Variants in EYS observed in about 807,000 individuals in gnomAD.
EYS encodes protein eyes shut homolog.
In EYS, 250 loss-of-function variants were observed where a neutral mutation model predicts 282.1. The ratio of observed to expected loss-of-function variants is 0.89; its 90% CI spans 0.80 to 0.98. The LOEUF (loss-of-function observed/expected upper bound fraction) is 0.98, where lower values mean the gene tolerates loss of function less well. EYS is among the 50% of genes least tolerant of loss of function. EYS has a pLI of 0.00. For synonymous variants in EYS, 1,355 were observed against 1,282.9 expected (o/e 1.06, Z -1.20); for missense variants, 4,016 against 3,709.0 (o/e 1.08, Z -2.15).
chr6:64,265,198 A>T (rs1767716320), intron 30 of EYS, among the ~76,000 whole-genome samples: 1 of 152,158 alleles, frequency 6.6e-6, no homozygotes, highest in Non-Finnish European at 1.5e-5. Context: ...ACAGTATGCA[A>T]TTTAAAGTCA....
At chr6:64,025,987 C>A (rs1372222287) in intron 33 of EYS, among the ~76,000 whole-genome samples, 2 of 152,158 alleles carry the variant, frequency 1.3e-5, no homozygotes, top group Admixed American at 1.3e-4. Flanking sequence ...AGGGGACAGG[C>A]AAGGGTGCAG....
rs1420169358 is a variant in EYS at position 64,248,219 on chromosome 6, GTA to G, written c.6192-17397_6192-17396del. On this transcript the variant is annotated intron_variant, in intron 30 of 42. Coordinates refer to ENST00000503581, the MANE Select transcript of EYS (RefSeq NM_001142800.2). ...TGTGTGTGTGTGTGTGTGTGTGTGT[GTA>G]TAGGTGCGTCTTGAGAGAGAGGGCT... Among the ~76,000 whole-genome samples, 14 of 142,904 alleles carry G rather than the reference GTA, an allele frequency of 9.8e-5. No homozygotes were observed. The South Asian group carries it at 3.2e-3, about 32-fold the overall frequency. 93.8% of individuals were successfully genotyped at this position (142,904 alleles called of 152,430 possible). A position where few individuals can be genotyped will look rare whatever the true frequency, so the allele number is the denominator to read the frequency against.
rs186844935 is a variant in EYS, at chr6:64,319,138, T to A, written c.6079-12056A>T. On this transcript the variant is annotated intron_variant, in intron 29 of 42. Coordinates refer to ENST00000503581, the MANE Select transcript of EYS (RefSeq NM_001142800.2). ...GGTAGTCTTTGCTGTCTACTGTAAC[T>A]GATTTAGCCCAATTTAAGTGACTTT... Among the ~76,000 whole-genome samples, 20 of 152,102 alleles carry A rather than the reference T, an allele frequency of 1.3e-4. No individual in the cohort carries two copies. The East Asian group carries it at 3.9e-3, about 29-fold the overall frequency.
At chr6:64,354,150 A>C (rs188265525) in intron 29 of EYS, among the ~76,000 whole-genome samples, 3 of 151,778 alleles carry the variant, frequency 2.0e-5, no homozygotes, top group Non-Finnish European at 4.4e-5. Flanking sequence ...AACACGATAG[A>C]GTATTAGATA....
intron 34 of EYS, among the ~76,000 whole-genome samples, chr6:63,996,171 G>A (rs146765838): frequency 1.9e-3 from 286 of 151,938 alleles, no homozygotes; most frequent in African/African-American, 6.6e-3. Context: ...TCTTTCATAT[G>A]GTACAACATA....
intron 18 of EYS, among the ~76,000 whole-genome samples, chr6:64,888,478 A>G (rs761434734): frequency 6.6e-6 from 1 of 151,982 alleles, no homozygotes; most frequent in Non-Finnish European, 1.5e-5. Flanking sequence ...AATGAAAAAT[A>G]AAATTAATAG....
intron 30 of EYS, among the ~76,000 whole-genome samples, chr6:64,281,512 G>C (rs1431707847): frequency 6.6e-6 from 1 of 152,088 alleles, no homozygotes; most frequent in Non-Finnish European, 1.5e-5. Flanking sequence ...AGTATTTATA[G>C]TAAAGACTGA....
chr6:64,396,542 C>T (rs866820511), intron 28 of EYS, among the ~76,000 whole-genome samples: 1 of 151,760 alleles, frequency 6.6e-6, no homozygotes, highest in Non-Finnish European at 1.5e-5. Flanking sequence ...ATTTTTGAAA[C>T]TATATTTTAG....
At chr6:64,122,676 A>ATTTTTT (rs1773629585) in intron 31 of EYS, among the ~76,000 whole-genome samples, 2 of 152,180 alleles carry the variant, frequency 1.3e-5, no homozygotes, top group Non-Finnish European at 2.9e-5. Context: ...AAAAAATGAA[A>ATTTTTT]TAATATTTTA....
intron 29 of EYS, among the ~76,000 whole-genome samples, chr6:64,332,909 C>T (rs918100722): frequency 6.6e-6 from 1 of 152,030 alleles, no homozygotes; most frequent in Non-Finnish European, 1.5e-5. Flanking sequence ...AGCTTGTTGC[C>T]CAGAAGGGTG....
chr6:63,779,475 A>G (rs1770154085), intron 39 of EYS: 1 of 151,718 alleles, frequency 6.6e-6, no homozygotes, highest in Admixed American at 6.6e-5. Context: ...AACCAAACAA[A>G]CAAAAATAAC....
chr6:65,322,296 C>A (rs1444316367), intron 11 of EYS, among the ~76,000 whole-genome samples: 1 of 152,004 alleles, frequency 6.6e-6, no homozygotes, highest in Admixed American at 6.6e-5. Flanking sequence ...GGTTTTAAGC[C>A]GAGGCATGAA....
intron 14 of EYS, among the ~76,000 whole-genome samples, chr6:64,953,336 T>C (rs1256698341): frequency 6.6e-6 from 1 of 151,788 alleles, no homozygotes; most frequent in East Asian, 1.9e-4. Context: ...ATGTAACTCT[T>C]GAAAGAAGGA....
chr6:64,681,658 C>T (rs1163407803), intron 22 of EYS, among the ~76,000 whole-genome samples: 3 of 152,050 alleles, frequency 2.0e-5, no homozygotes, highest in African/African-American at 7.2e-5. Context: ...TTTTGGGAGG[C>T]TGAGGCGGGC....
At chr6:65,641,143 G>T (rs765672508) in intron 1 of EYS, among the ~76,000 whole-genome samples, 3 of 152,198 alleles carry the variant, frequency 2.0e-5, no homozygotes, top group Non-Finnish European at 4.4e-5. Context: ...GGCCAAAATA[G>T]AAGTTGGTAC....
intron 28 of EYS, among the ~76,000 whole-genome samples, chr6:64,407,614 A>T (rs1286620044): frequency 6.6e-6 from 1 of 152,148 alleles, no homozygotes; most frequent in Non-Finnish European, 1.5e-5. Flanking sequence ...TACAAATATA[A>T]ATTGTTTTCA....
At chr6:63,870,714 G>A (rs1772780532) in intron 35 of EYS, among the ~76,000 whole-genome samples, 1 of 152,056 alleles carries the variant, frequency 6.6e-6, no homozygotes, top group Non-Finnish European at 1.5e-5. Flanking sequence ...GTGACTTTTG[G>A]AATTGTCCCA....
At chr6:64,301,695 G>A (rs6908520) in intron 30 of EYS, among the ~76,000 whole-genome samples, 104,279 of 151,994 alleles carry the variant, frequency 0.69, 35,809 homozygotes, top group South Asian at 0.71. Context: ...CGCAGGCCAT[G>A]TAGACCTTGC....
intron 31 of EYS, among the ~76,000 whole-genome samples, chr6:64,172,489 G>C (rs1764508188): frequency 6.6e-6 from 1 of 152,126 alleles, no homozygotes. Context: ...AATATAAACT[G>C]GTGCAGGTGC....
Sources: gnomAD v4.1 joint callset for allele counts (sites outside exome capture counted in the v4.1 genomes callset) on GRCh38, gnomAD v4.1.1 for gene constraint, MANE v1.5 for transcripts, NCBI Gene and HGNC (gene_info 2026-07-23, HGNC 2026-07-21) for gene names.